DTWD2: variants seen among roughly 807,000 people sequenced by gnomAD.
The protein encoded by DTWD2 is DTW motif tRNA-uridine aminocarboxypropyltransferase 2, also known as tRNA-uridine aminocarboxypropyltransferase 2.
DTWD2 carries 39 observed loss-of-function variants against 31.8 expected under a neutral mutation model. That is an observed-to-expected ratio of 1.22 (90% CI 0.95 to 1.60). The LOEUF is 1.60. DTWD2 is among the 40% of genes most tolerant of loss of function. The pLI is 0.00. For missense variants in DTWD2, 515 were observed against 381.5 expected, an observed-to-expected ratio of 1.35 and a Z score of -2.92; for synonymous variants, 180 against 142.8, an observed-to-expected ratio of 1.26 and a Z score of -1.86.
Position 118,836,160 on chromosome 5 carries a change from T to C in DTWD2, c.*4757A>G, listed in dbSNP as rs115821236. ...ATAGTAAAATTTCTTATTCGAATAA[T>C]TTTTTTAAAAAACCTTACATTAAAA... is the stretch of plus-strand genomic sequence containing the variant. On this transcript the variant is annotated 3_prime_UTR_variant, in exon 6 of 6. Transcript: ENST00000510708. Among the ~76,000 whole-genome samples the C allele has an allele frequency of 0.016, 2,426 of 152,254 alleles. 73 individuals are homozygous for C. Among genetic ancestry groups the C allele is most frequent in the African/African-American group, 0.055 (2,294 of 41,538 alleles).
At chr5:118,847,724 T>G (rs1403775671) in intron 5 of DTWD2, among the ~76,000 whole-genome samples, 1 of 152,026 alleles carries the variant, frequency 6.6e-6, no homozygotes, top group Non-Finnish European at 1.5e-5. Flanking sequence ...AGAATGTTCT[T>G]TTAACCAAAA....
At chr5:118,985,802 C>T (rs1009526576) in intron 1 of DTWD2, among the ~76,000 whole-genome samples, 1 of 152,028 alleles carries the variant, frequency 6.6e-6, no homozygotes, top group African/African-American at 2.4e-5. Context: ...AATACTTTTA[C>T]TTTGAAAAGT....
At chr5:118,913,011 G>T (rs747253780) in intron 4 of DTWD2, among the ~76,000 whole-genome samples, 2 of 152,140 alleles carry the variant, frequency 1.3e-5, no homozygotes, top group Non-Finnish European at 2.9e-5. Context: ...TATAGTTAGG[G>T]CTCATTACGA....
intron 1 of DTWD2, among the ~76,000 whole-genome samples, chr5:118,953,268 G>A (rs1754506084): frequency 6.6e-6 from 1 of 152,120 alleles, no homozygotes; most frequent in Admixed American, 6.5e-5. Flanking sequence ...CCACACCAGT[G>A]GGTTTTATTT....
intron 4 of DTWD2, among the ~76,000 whole-genome samples, chr5:118,853,569 T>C (rs1038501135): frequency 2.6e-5 from 4 of 151,950 alleles, no homozygotes; most frequent in Admixed American, 6.6e-5. Flanking sequence ...TACACAGCCA[T>C]AGAAAGAATG....
At position 118,988,515 on chromosome 5, in the gene DTWD2, G is replaced by T. The variant is rs755164978; in HGVS notation, c.-4C>A. 4.5e-6 allele frequency: 7 copies of T among 1,549,288 alleles called. No homozygotes were observed. Among genetic ancestry groups the T allele is most frequent in the East Asian group, 5.1e-5 (2 of 39,036 alleles). On this transcript the variant is annotated 5_prime_UTR_variant, in exon 1 of 6. Coordinates refer to ENST00000510708, the MANE Select transcript of DTWD2 (RefSeq NM_173666.4). ...GTGCCTCTTTCTGCGACTCCATGGC[G>T]GACACTCCGGTCAGGCCGTGGCATT...
intron 4 of DTWD2, among the ~76,000 whole-genome samples, chr5:118,927,695 A>G (rs1317672901): frequency 6.6e-6 from 1 of 152,156 alleles, no homozygotes; most frequent in African/African-American, 2.4e-5. Context: ...AAATAGAAGT[A>G]GAAAGCTTGA....
chr5:118,862,404 T>A (rs914442293), intron 4 of DTWD2, among the ~76,000 whole-genome samples: 4 of 152,090 alleles, frequency 2.6e-5, no homozygotes, highest in Non-Finnish European at 4.4e-5. Flanking sequence ...AGATACCTAT[T>A]CCTAGGGTAA....
chr5:118,841,607 G>A lies in DTWD2; in HGVS notation c.727-520C>T, dbSNP rs545651008. ...AAGTTAGATGCCCAGGTCTTGGTGC[G>A]TTTGAAATTATTCTAACAATATCTG... On this transcript the variant is annotated intron_variant, in intron 5 of 5. Transcript: ENST00000510708. Among the ~76,000 whole-genome samples, 164 of 152,218 alleles carry A rather than the reference G, an allele frequency of 1.1e-3. 1 individual carries two copies. The highest frequency in any genetic ancestry group is 6.6e-3 in the South Asian group (32 of 4,820).
At chr5:118,850,415 T>G (rs757000528) in intron 4 of DTWD2, among the ~76,000 whole-genome samples, 1 of 121,428 alleles carries the variant, frequency 8.2e-6, no homozygotes, top group Non-Finnish European at 1.6e-5. Context: ...GAGGCAGAGG[T>G]TGCAGTGAGT....
At chr5:118,920,623 T>C (rs1278678483) in intron 4 of DTWD2, among the ~76,000 whole-genome samples, 2 of 152,114 alleles carry the variant, frequency 1.3e-5, no homozygotes, top group Admixed American at 6.5e-5. Context: ...TCAGCAACAA[T>C]CAATGAAATC....
intron 2 of DTWD2, among the ~76,000 whole-genome samples, chr5:118,943,550 CAAAA>C (rs1270693139): frequency 4.7e-5 from 3 of 63,934 alleles, no homozygotes. Flanking sequence ...GACTCCGTCT[CAAAA>C]AAAAAAAAAA....
chr5:118,918,464 G>A (rs537255052), intron 4 of DTWD2, among the ~76,000 whole-genome samples: 9 of 144,230 alleles, frequency 6.2e-5, no homozygotes, highest in South Asian at 2.2e-4. Context: ...GTGAGACTCC[G>A]TCTCAAGAGA....
At chr5:118,946,620 G>A (rs1481071887) in intron 1 of DTWD2, among the ~76,000 whole-genome samples, 1 of 152,154 alleles carries the variant, frequency 6.6e-6, no homozygotes. Context: ...GTATCTCTAT[G>A]CTAATAGTAT....
intron 1 of DTWD2, among the ~76,000 whole-genome samples, chr5:118,971,026 A>C (rs1378463539): frequency 6.6e-6 from 1 of 152,252 alleles, no homozygotes; most frequent in Non-Finnish European, 1.5e-5. Context: ...CAGTCACTAC[A>C]TAAATCCACT....
intron 1 of DTWD2, among the ~76,000 whole-genome samples, chr5:118,966,554 TG>T (rs571900281): frequency 6.6e-4 from 101 of 152,320 alleles, no homozygotes; most frequent in Non-Finnish European, 1.2e-3. Context: ...GCAAATTAGT[TG>T]ATGATATGCT....
rs576086870 is a variant in DTWD2, at chr5:118,951,442, G to T, written c.219-6793C>A. On this transcript the variant is annotated intron_variant, in intron 1 of 5. Coordinates refer to ENST00000510708, the MANE Select transcript of DTWD2 (RefSeq NM_173666.4). Reference sequence around the variant, plus strand: ...CGAGTTGCATTGGGAGCAGAGATTAGAAAGGGACTGATGTGAAAAAGAATG... The same window carrying T: ...CGAGTTGCATTGGGAGCAGAGATTATAAAGGGACTGATGTGAAAAAGAATG... 2.6e-5 allele frequency among the ~76,000 whole-genome samples: 4 copies of T among 152,300 alleles called. No individual in the cohort carries two copies. In the South Asian group the frequency reaches 6.2e-4, roughly 24 times the overall value.
At chr5:118,954,819 C>A (rs1246057740) in intron 1 of DTWD2, among the ~76,000 whole-genome samples, 24 of 152,182 alleles carry the variant, frequency 1.6e-4, no homozygotes, top group Admixed American at 1.5e-3. Context: ...CCGTGCCCAG[C>A]CTGAAGGAAT....
intron 1 of DTWD2, among the ~76,000 whole-genome samples, chr5:118,974,297 C>A (rs1468396691): frequency 1.4e-4 from 22 of 152,084 alleles, no homozygotes; most frequent in Non-Finnish European, 3.1e-4. Context: ...CAACCCAAAC[C>A]ATGAGAATTT....
Sources: allele counts gnomAD v4.1 joint callset (sites outside exome capture counted in the v4.1 genomes callset), GRCh38; gene constraint gnomAD v4.1.1; transcripts MANE v1.5; gene names NCBI Gene and HGNC (gene_info 2026-07-23, HGNC 2026-07-21).